PLCE1: variants seen among roughly 807,000 people sequenced by gnomAD.
PLCE1 encodes the protein 1-phosphatidylinositol 4,5-bisphosphate phosphodiesterase epsilon-1.
Under a neutral mutation model 242.8 loss-of-function variants are expected in PLCE1, and 119 were observed. That is an observed-to-expected ratio of 0.49 (90% CI 0.42 to 0.57). The LOEUF is 0.57. Ranked by LOEUF, PLCE1 falls within the 20% of genes least tolerant of loss-of-function variation. PLCE1 has a pLI of 0.00. For missense variants in PLCE1, 2,441 were observed against 2,788.8 expected, an observed-to-expected ratio of 0.88 and a Z score of 2.81; for synonymous variants, 945 against 1,017.4, an observed-to-expected ratio of 0.93 and a Z score of 1.35.
intron 3 of PLCE1, among the ~76,000 whole-genome samples, chr10:94,162,800 T>C (rs905369875): frequency 3.3e-5 from 5 of 152,216 alleles, no homozygotes; most frequent in African/African-American, 1.2e-4. Flanking sequence ...TTTAGTGCTA[T>C]ATATTTCCCT....
At chr10:94,228,770 A>T (rs1391566018) in intron 5 of PLCE1, among the ~76,000 whole-genome samples, 2 of 152,194 alleles carry the variant, frequency 1.3e-5, no homozygotes, top group Non-Finnish European at 2.9e-5. Flanking sequence ...TAGTCATACA[A>T]ATGCATCAGG....
intron 14 of PLCE1, among the ~76,000 whole-genome samples, chr10:94,264,131 G>A (rs1329685471): frequency 6.6e-6 from 1 of 152,132 alleles, no homozygotes; most frequent in Non-Finnish European, 1.5e-5. Context: ...ATGGGGTAGG[G>A]GAAAAACTGA....
chr10:94,064,308 T>C (rs1196753930), intron 2 of PLCE1, among the ~76,000 whole-genome samples: 1 of 152,098 alleles, frequency 6.6e-6, no homozygotes, highest in Non-Finnish European at 1.5e-5. Flanking sequence ...TCTAGCACTT[T>C]GGGAGGCTGA....
chr10:94,184,850 T>A (rs954298084), intron 4 of PLCE1, among the ~76,000 whole-genome samples: 4 of 152,212 alleles, frequency 2.6e-5, no homozygotes, highest in South Asian at 4.1e-4. Flanking sequence ...TTGCTTATTT[T>A]TTTTTTTCTA....
chr10:94,009,348 A>T (rs550019431), intron 1 of PLCE1, among the ~76,000 whole-genome samples: 266 of 152,294 alleles, frequency 1.7e-3, no homozygotes, highest in African/African-American at 6.2e-3. Context: ...TTCATGAGGG[A>T]TCCATCCCCA....
At chr10:94,104,452 A>G (rs2045653213) in intron 2 of PLCE1, 4 of 152,206 alleles carry the variant, frequency 2.6e-5, no homozygotes, top group Admixed American at 2.0e-4. Context: ...CATGTATCCC[A>G]TGACCCTGGG....
intron 2 of PLCE1, among the ~76,000 whole-genome samples, chr10:94,086,876 A>T (rs529826746): frequency 2.0e-5 from 3 of 152,252 alleles, no homozygotes; most frequent in Admixed American, 6.5e-5. Flanking sequence ...TGGAATAGAG[A>T]TAATAATACT....
At chr10:94,146,392 G>A (rs967641941) in intron 3 of PLCE1, among the ~76,000 whole-genome samples, 1 of 152,134 alleles carries the variant, frequency 6.6e-6, no homozygotes, top group Non-Finnish European at 1.5e-5. Flanking sequence ...CTATGACACA[G>A]CACCATTGTA....
chr10:94,284,219 A>G (rs1275101452), intron 21 of PLCE1, among the ~76,000 whole-genome samples: 1 of 152,232 alleles, frequency 6.6e-6, no homozygotes, highest in Non-Finnish European at 1.5e-5. Flanking sequence ...TAGAACAGTG[A>G]TTATACTGTG....
chr10:94,210,005 A>C (rs2049280829), intron 4 of PLCE1, among the ~76,000 whole-genome samples: 1 of 152,122 alleles, frequency 6.6e-6, no homozygotes, highest in East Asian at 1.9e-4. Context: ...GCTGAGACTT[A>C]AAGCCAGCAC....
intron 2 of PLCE1, among the ~76,000 whole-genome samples, chr10:94,068,180 A>G (rs895567090): frequency 3.9e-5 from 6 of 152,124 alleles, no homozygotes; most frequent in Admixed American, 2.0e-4. Flanking sequence ...TTGTTCACCT[A>G]AAAACTCCCA....
intron 4 of PLCE1, among the ~76,000 whole-genome samples, chr10:94,188,737 C>G (rs2048563117): frequency 6.6e-6 from 1 of 152,190 alleles, no homozygotes; most frequent in African/African-American, 2.4e-5. Flanking sequence ...TCCCAAGTAG[C>G]TGGGTCTACA....
intron 1 of PLCE1, among the ~76,000 whole-genome samples, chr10:93,999,912 G>C (rs1368330615): frequency 6.6e-6 from 1 of 152,188 alleles, no homozygotes; most frequent in African/African-American, 2.4e-5. Flanking sequence ...GATTATTTTT[G>C]CCTTTTTCCT....
chr10:94,096,500 A>G (rs180982182), intron 2 of PLCE1: 9 of 152,278 alleles, frequency 5.9e-5, no homozygotes, highest in Admixed American at 5.9e-4. Flanking sequence ...AGCCCTTTAT[A>G]AAACCATCAG....
intron 1 of PLCE1, among the ~76,000 whole-genome samples, chr10:93,996,406 A>G (rs900145845): frequency 1.3e-5 from 2 of 152,192 alleles, no homozygotes; most frequent in African/African-American, 2.4e-5. Flanking sequence ...GCGAGGGAAG[A>G]CAGGTGATTA....
intron 2 of PLCE1, among the ~76,000 whole-genome samples, chr10:94,062,608 T>TTTTG (rs2044090166): frequency 6.8e-6 from 1 of 146,760 alleles, no homozygotes; most frequent in African/African-American, 2.6e-5. Flanking sequence ...TGTTTTGTTT[T>TTTTG]TTTTTTTAGA....
chr10:94,029,694 A>G (rs1015903560), intron 1 of PLCE1, among the ~76,000 whole-genome samples: 3 of 152,122 alleles, frequency 2.0e-5, no homozygotes, highest in Admixed American at 2.0e-4. Flanking sequence ...GAGGGAACAC[A>G]TATAGAAGGG....
intron 2 of PLCE1, among the ~76,000 whole-genome samples, chr10:94,127,367 C>T (rs900619915): frequency 6.6e-6 from 1 of 152,122 alleles, no homozygotes; most frequent in Non-Finnish European, 1.5e-5. Flanking sequence ...CATTATGTGT[C>T]TGGCTGTTGG....
intron 3 of PLCE1, among the ~76,000 whole-genome samples, chr10:94,156,050 G>C (rs1255007709): frequency 6.6e-6 from 1 of 152,200 alleles, no homozygotes; most frequent in Non-Finnish European, 1.5e-5. Flanking sequence ...ATTTAACTCT[G>C]AGAATGTTCT....
Sources: allele counts gnomAD v4.1 joint callset (sites outside exome capture counted in the v4.1 genomes callset), GRCh38; gene constraint gnomAD v4.1.1; transcripts MANE v1.5; gene names NCBI Gene and HGNC (gene_info 2026-07-23, HGNC 2026-07-21).